The following ELFN1 variants were observed in gnomAD, a reference collection of about 807,000 sequenced individuals.
The protein encoded by ELFN1 is extracellular leucine rich repeat and fibronectin type III domain containing 1.
A neutral mutation model predicts 7.6 loss-of-function variants in ELFN1; 6 were observed. The ratio of observed to expected loss-of-function variants is 0.79; its 90% CI spans 0.43 to 1.56. The LOEUF (loss-of-function observed/expected upper bound fraction) is 1.56, where lower values mean the gene tolerates loss of function less well. Among genes scored for constraint, ELFN1 ranks in the 40% most tolerant of loss-of-function variants. The pLI is 0.01. For synonymous variants in ELFN1, 657 were observed against 588.1 expected (o/e 1.12, Z -1.70); for missense variants, 1,169 against 1,232.2 (o/e 0.95, Z 0.77).
chr7:1,695,705 G>A lies in ELFN1; in HGVS notation c.-456+7555G>A, dbSNP rs570786746. Among the ~76,000 whole-genome samples, 4 of 128,190 alleles carry A rather than the reference G, an allele frequency of 3.1e-5. No individual in the cohort carries two copies. Among genetic ancestry groups the A allele is most frequent in the African/African-American group, 1.2e-4 (4 of 33,006 alleles). The allele number at this position is 128,190 out of a possible 152,430, so 84.1% of individuals were successfully genotyped here. A position where few individuals can be genotyped will look rare whatever the true frequency, so the allele number is the denominator to read the frequency against. On this transcript the variant is annotated intron_variant, in intron 2 of 3. Transcript: ENST00000424383. This position sits in a 1 kb window ranked among gnomAD's most constrained non-coding sequence, Gnocchi z 5.1. ...GGAGGTTGCAGTGAGCCGAGATCGC[G>A]CCACTGCACTGCAGCCTGGGTGACA...
rs571471776 is a variant in ELFN1, at chr7:1,674,969, A to C, written c.-549+4615A>C. 5.3e-5 allele frequency among the ~76,000 whole-genome samples: 7 copies of C among 132,830 alleles called. No individual in the cohort carries two copies. The East Asian group carries it at 1.6e-3, about 31-fold the overall frequency. The allele number at this position is 132,830 out of a possible 152,430, so 87.1% of individuals were successfully genotyped here. A position where few individuals can be genotyped will look rare whatever the true frequency, so the allele number is the denominator to read the frequency against. Reference sequence around the variant, plus strand: ...GAGGCGCAGACAGGGCAGTGGCCGCAAGCCACTGAGGCTTGCAGGCAGTGG... The same window carrying C: ...GAGGCGCAGACAGGGCAGTGGCCGCCAGCCACTGAGGCTTGCAGGCAGTGG... On this transcript the variant is annotated intron_variant, in intron 1 of 3. Transcript: ENST00000424383.
Position 1,746,672 on chromosome 7 carries a change from C to T in ELFN1, c.2076C>T (p.Ala692=), listed in dbSNP as rs1174031540. 2.0e-5 allele frequency: 28 copies of T among 1,395,178 alleles called. No individual in the cohort carries two copies. The highest frequency in any genetic ancestry group is 2.5e-5 in the Non-Finnish European group (27 of 1,081,284). 86.4% of individuals were successfully genotyped at this position (1,395,178 alleles called of 1,614,324 possible). ...CACCCGCGGCCGCCGTGCTGCGGGC[C>T]GAGGCCGAGAAGGGTCGCCAGTACG... The part of the protein sequence containing the change: ...TVTPAAAVLR[A]EAEKGRQYGE... Residue 692 remains alanine (A), a synonymous_variant, in exon 4 of 4, where the codon GCC becomes GCT. Transcript: ENST00000424383.
At chr7:1,699,542 G>A (rs1779384008) in intron 2 of ELFN1, among the ~76,000 whole-genome samples, 1 of 152,190 alleles carries the variant, frequency 6.6e-6, no homozygotes, top group African/African-American at 2.4e-5. Context: ...TCAGGAGGCT[G>A]AGGTGGGAGG....
Position 1,670,333 on chromosome 7 carries a change from G to A in ELFN1, c.-570G>A, listed in dbSNP as rs2128572080. 6.6e-6 allele frequency among the ~76,000 whole-genome samples: 1 copy of A among 151,202 alleles called. No individual in the cohort carries two copies. The highest frequency in any genetic ancestry group is 2.4e-5 in the African/African-American group (1 of 41,194). The stretch of plus-strand genomic sequence containing the variant: ...CGGCGGCGGCTGCGGGCGCAGCCCC[G>A]GAACCGAGGCCGGGCGGGCAGGTAA... On this transcript the variant is annotated 5_prime_UTR_variant, in exon 1 of 4. Transcript: ENST00000424383. This position sits in a 1 kb window ranked among gnomAD's most constrained non-coding sequence, Gnocchi z 6.4.
chr7:1,680,737 A>ATTTTT (rs967183963), intron 1 of ELFN1, among the ~76,000 whole-genome samples: 2 of 128,920 alleles, frequency 1.6e-5, no homozygotes, highest in African/African-American at 3.0e-5. Context: ...TGGATTTACA[A>ATTTTT]TTTTTTTTTT....
Position 1,745,745 on chromosome 7 carries a change from C to A in ELFN1, c.1149C>A (p.Ser383=). ...CCAACTACACCTACTGCGTGGTGTC[C>A]ACCAGCGCCGGGCTGCGCCACAACC... ...TLTNYTYCVV[S]TSAGLRHNHT... is the part of the protein sequence containing the mutation. Residue 383 remains serine (S), a synonymous_variant, in exon 4 of 4, where the codon TCC becomes TCA. Coordinates refer to ENST00000424383, the MANE Select transcript of ELFN1 (RefSeq NM_001128636.4). 6.4e-7 allele frequency: 1 copy of A among 1,551,480 alleles called. No individual in the cohort carries two copies.
chr7:1,721,178 TG>T (rs1367228023), intron 3 of ELFN1, among the ~76,000 whole-genome samples: 23 of 152,340 alleles, frequency 1.5e-4, no homozygotes, highest in Admixed American at 1.4e-3. Context: ...CAACTTGCAC[TG>T]GGGGAGGGAG....
At chr7:1,702,201 A>G (rs557904432) in intron 2 of ELFN1, among the ~76,000 whole-genome samples, 1 of 152,210 alleles carries the variant, frequency 6.6e-6, no homozygotes, top group South Asian at 2.1e-4. Context: ...AAGGTGGGCA[A>G]ATGACAAGGT....
chr7:1,746,548 C>A lies in ELFN1; in HGVS notation c.1952C>A (p.Ala651Asp), dbSNP rs1780800379. The change falls in exon 4 of 4, where the codon GCC (alanine) becomes GAC (aspartate). Residue 651 changes from alanine (A) to aspartate (D), a missense_variant. Coordinates refer to ENST00000424383, the MANE Select transcript of ELFN1 (RefSeq NM_001128636.4). Reference sequence around the variant, plus strand: ...AGCGGCTCCGTGCGCAGCCCCCGCGCCTTCCGAGCCGAGGCCGTCGGGGTG... The same window carrying A: ...AGCGGCTCCGTGCGCAGCCCCCGCGACTTCCGAGCCGAGGCCGTCGGGGTG... ...SSSGSVRSPR[A>D]FRAEAVGVHK... The A allele has an allele frequency of 7.3e-6, 10 of 1,375,362 alleles. No homozygotes were observed. The highest frequency in any genetic ancestry group is 7.5e-6 in the Non-Finnish European group (8 of 1,072,252). The allele number at this position is 1,375,362 out of a possible 1,614,324, so 85.2% of individuals were successfully genotyped here. A position where few individuals can be genotyped will look rare whatever the true frequency, so the allele number is the denominator to read the frequency against.
intron 2 of ELFN1, among the ~76,000 whole-genome samples, chr7:1,704,771 A>G (rs150034386): frequency 7.9e-5 from 12 of 152,070 alleles, no homozygotes; most frequent in Non-Finnish European, 1.2e-4. Flanking sequence ...GGGGGCAGGG[A>G]CTTGAGTGGC....
rs1486577240 is a variant in ELFN1, at chr7:1,747,235, AG to A, written c.*157del. On this transcript the variant is annotated 3_prime_UTR_variant, in exon 4 of 4. Transcript: ENST00000424383. ...AGGGGGGAGCGAGTGGGGACAGACA[AG>A]GGGGACACGTCCCGAGCTCCTGTGG... 2.2e-6 allele frequency: 2 copies of A among 900,490 alleles called. No individual in the cohort carries two copies. The highest frequency in any genetic ancestry group is 3.1e-6 in the Non-Finnish European group (2 of 638,226). 55.8% of individuals were successfully genotyped at this position (900,490 alleles called of 1,614,324 possible).
intron 2 of ELFN1, among the ~76,000 whole-genome samples, chr7:1,696,193 T>C (rs555607325): frequency 1.5e-4 from 23 of 150,788 alleles, no homozygotes; most frequent in South Asian, 6.3e-4. Context: ...TGTGTGTGTG[T>C]GCGTGTGTAT....
intron 3 of ELFN1, among the ~76,000 whole-genome samples, chr7:1,728,673 G>C (rs150327561): frequency 1.3e-5 from 2 of 152,162 alleles, no homozygotes; most frequent in African/African-American, 2.4e-5. Context: ...GTTTTCTCAC[G>C]TTCCCCCCTC....
intron 1 of ELFN1, among the ~76,000 whole-genome samples, chr7:1,677,283 A>ACCCCC (rs1778889629): frequency 6.6e-6 from 1 of 152,164 alleles, no homozygotes; most frequent in Non-Finnish European, 1.5e-5. Flanking sequence ...TTGGTATGAA[A>ACCCCC]CAGTGGGGTC....
At chr7:1,731,896 C>T (rs376013270) in intron 3 of ELFN1, among the ~76,000 whole-genome samples, 4 of 152,190 alleles carry the variant, frequency 2.6e-5, no homozygotes, top group East Asian at 3.9e-4. Flanking sequence ...GTGATCTGTC[C>T]GCCTCGGCCT....
In ELFN1 at chr7:1,746,197, C is replaced by T. The variant is rs375368491; in HGVS notation, c.1601C>T (p.Pro534Leu). The T allele has an allele frequency of 6.8e-5, 105 of 1,551,736 alleles. No individual in the cohort carries two copies. The highest frequency in any genetic ancestry group is 6.6e-4 in the African/African-American group (48 of 73,140). ...SYMEVRTGDP[P>L]ERRDCELGRP... ...ATGGAGGTTCGAACCGGGGACCCTC[C>T]GGAACGCAGGGACTGTGAGCTGGGC... is the stretch of plus-strand genomic sequence containing the variant. The change falls in exon 4 of 4, where the codon CCG becomes CTG. Residue 534 changes from proline (P) to leucine (L), a missense_variant. Transcript: ENST00000424383.
At chr7:1,687,826 A>G (rs900011415) in intron 1 of ELFN1, among the ~76,000 whole-genome samples, 1 of 152,096 alleles carries the variant, frequency 6.6e-6, no homozygotes, top group Non-Finnish European at 1.5e-5. Flanking sequence ...TTTATTGGCC[A>G]TTTGGATATT....
intron 3 of ELFN1, among the ~76,000 whole-genome samples, chr7:1,718,886 C>T (rs1273550285): frequency 1.3e-5 from 2 of 152,180 alleles, no homozygotes; most frequent in East Asian, 1.9e-4. Context: ...GGCCTCTGCC[C>T]TCATTTCTCT....
At chr7:1,685,437 C>T (rs1355285303) in intron 1 of ELFN1, among the ~76,000 whole-genome samples, 4 of 152,176 alleles carry the variant, frequency 2.6e-5, no homozygotes, top group South Asian at 2.1e-4. Context: ...AGACTCCCAT[C>T]ACCACATATG....
Sources: gnomAD v4.1 joint callset for allele counts (sites outside exome capture counted in the v4.1 genomes callset) on GRCh38, gnomAD v4.1.1 for gene constraint, Gnocchi (gnomAD v3.1) non-coding constraint, MANE v1.5 for transcripts, NCBI Gene and HGNC (gene_info 2026-07-23, HGNC 2026-07-21) for gene names.